DPYSL2: variants seen among roughly 807,000 people sequenced by gnomAD.
DPYSL2 encodes the protein dihydropyrimidinase like 2, also known as dihydropyrimidinase-related protein 2.
In DPYSL2, 13 loss-of-function variants were observed where a neutral mutation model predicts 69.9. That is an observed-to-expected ratio of 0.19 (90% CI 0.12 to 0.30). The LOEUF is 0.30. Among genes scored for constraint, DPYSL2 ranks in the 10% least tolerant of loss-of-function variants. The pLI is 1.00. For missense variants in DPYSL2, 587 were observed against 918.9 expected, an observed-to-expected ratio of 0.64 and a Z score of 4.67; for synonymous variants, 326 against 359.1, an observed-to-expected ratio of 0.91 and a Z score of 1.04.
At position 26,580,876 on chromosome 8, in the gene DPYSL2, T is replaced by G. The variant is rs1386795910; in HGVS notation, c.355-1093T>G. ...ACTGAACACTCGATGCCAGCATTCC[T>G]TCCATCAGCAGCATTTGCAATAACG... is the stretch of plus-strand genomic sequence containing the variant. On this transcript the variant is annotated intron_variant, in intron 1 of 13. Transcript: ENST00000521913. This position sits in a 1 kb window ranked among gnomAD's most constrained non-coding sequence, Gnocchi z 4.1. Among the ~76,000 whole-genome samples the G allele has an allele frequency of 6.6e-6, 1 of 152,222 alleles. No individual in the cohort carries two copies. The highest frequency in any genetic ancestry group is 1.5e-5 in the Non-Finnish European group (1 of 68,028).
chr8:26,534,084 C>G (rs1800554106), intron 1 of DPYSL2, among the ~76,000 whole-genome samples: 1 of 152,180 alleles, frequency 6.6e-6, no homozygotes, highest in South Asian at 2.1e-4. Flanking sequence ...TGAGCAACAA[C>G]AAGACTGGTT....
chr8:26,519,679 A>C (rs1808353902), intron 1 of DPYSL2, among the ~76,000 whole-genome samples: 1 of 152,158 alleles, frequency 6.6e-6, no homozygotes, highest in Admixed American at 6.5e-5. Flanking sequence ...ATTTGAACTA[A>C]TATTTCCTAA....
intron 1 of DPYSL2, among the ~76,000 whole-genome samples, chr8:26,568,208 C>A (rs1801182701): frequency 1.3e-5 from 2 of 152,152 alleles, no homozygotes; most frequent in African/African-American, 4.8e-5. Context: ...TGGAGGGAGA[C>A]CAGTCGTTGG....
At position 26,516,666 on chromosome 8, in the gene DPYSL2, C is replaced by A. The variant is rs1177120504; in HGVS notation, c.354+1987C>A. ...TTTGAAGAGAAAATACTCAAACAAA[C>A]TGCAAGGGAGTTTTAGATTGCAATT... On this transcript the variant is annotated intron_variant, in intron 1 of 13. Coordinates refer to ENST00000521913, the MANE Select transcript of DPYSL2 (RefSeq NM_001197293.3). This position sits in a 1 kb window ranked among gnomAD's most constrained non-coding sequence, Gnocchi z 4.8. 6.6e-6 allele frequency among the ~76,000 whole-genome samples: 1 copy of A among 152,130 alleles called. No homozygotes were observed. The highest frequency in any genetic ancestry group is 1.5e-5 in the Non-Finnish European group (1 of 68,020).
In DPYSL2 at chr8:26,621,186, G is replaced by A. The variant is rs1193219158; in HGVS notation, c.629-2957G>A. 6.6e-6 allele frequency among the ~76,000 whole-genome samples: 1 copy of A among 152,172 alleles called. No individual in the cohort carries two copies. Among genetic ancestry groups the A allele is most frequent in the Non-Finnish European group, 1.5e-5 (1 of 68,024 alleles). On this transcript the variant is annotated intron_variant, in intron 3 of 13. Coordinates refer to ENST00000521913, the MANE Select transcript of DPYSL2 (RefSeq NM_001197293.3). The surrounding 1 kb of genome is among the most constrained non-coding windows in gnomAD (Gnocchi z 4.9). The stretch of plus-strand genomic sequence containing the variant: ...AGGTATAATATATAGAAAAAAGGCA[G>A]TAAAAATACACCCAAATTTGAATAG...
In DPYSL2 at chr8:26,616,848, A is replaced by C. The variant is rs116782251; in HGVS notation, c.629-7295A>C. On this transcript the variant is annotated intron_variant, in intron 3 of 13. Coordinates refer to ENST00000521913, the MANE Select transcript of DPYSL2 (RefSeq NM_001197293.3). Reference sequence around the variant, plus strand: ...AACCCCAAGGTGGGATCACAGGCTGAGTGAAGGCTCCTCATCCTCCCTCCT... The same window carrying C: ...AACCCCAAGGTGGGATCACAGGCTGCGTGAAGGCTCCTCATCCTCCCTCCT... Among the ~76,000 whole-genome samples, 1,350 of 151,798 alleles carry C rather than the reference A, an allele frequency of 8.9e-3. 14 individuals carry two copies. The highest frequency in any genetic ancestry group is 0.031 in the African/African-American group (1,274 of 41,332).
At chr8:26,606,664 C>A (rs1391916802) in intron 3 of DPYSL2, among the ~76,000 whole-genome samples, 5 of 151,940 alleles carry the variant, frequency 3.3e-5, no homozygotes, top group Non-Finnish European at 7.4e-5. Flanking sequence ...AAAAGAAATA[C>A]AAATTGAAGT....
chr8:26,575,201 GC>G (rs1175268305), intron 1 of DPYSL2, among the ~76,000 whole-genome samples: 1 of 152,194 alleles, frequency 6.6e-6, no homozygotes, highest in African/African-American at 2.4e-5. Flanking sequence ...TGTTGCTGAG[GC>G]TGGTCTCCAA....
chr8:26,565,602 A>C lies in DPYSL2; in HGVS notation c.355-16367A>C, dbSNP rs184806557. Among the ~76,000 whole-genome samples the C allele has an allele frequency of 6.6e-6, 1 of 152,320 alleles. No homozygotes were observed. The highest frequency in any genetic ancestry group is 2.4e-5 in the African/African-American group (1 of 41,564). On this transcript the variant is annotated intron_variant, in intron 1 of 13. Coordinates refer to ENST00000521913, the MANE Select transcript of DPYSL2 (RefSeq NM_001197293.3). The surrounding 1 kb of genome is among the most constrained non-coding windows in gnomAD (Gnocchi z 4.1). ...TGAGGGTATGTGTGTATTTCACACA[A>C]ATTTTAAATTCAAACAGGATTAAGT...
In DPYSL2 at chr8:26,627,396, A is replaced by G. The variant is rs1174221517; in HGVS notation, c.936+101A>G. The G allele has an allele frequency of 8.0e-7, 1 of 1,256,908 alleles. No individual in the cohort carries two copies. The highest frequency in any genetic ancestry group is 1.2e-6 in the Non-Finnish European group (1 of 868,932). 77.9% of individuals were successfully genotyped at this position (1,256,908 alleles called of 1,614,324 possible). ...CTGTAGCTTAACACCAAGGTGGAAAAGCAGAGGGACCTGGTGTTCCCTTGC... is the reference window on the plus strand; with the variant it reads ...CTGTAGCTTAACACCAAGGTGGAAAGGCAGAGGGACCTGGTGTTCCCTTGC... On this transcript the variant is annotated intron_variant, in intron 6 of 13. Coordinates refer to ENST00000521913, the MANE Select transcript of DPYSL2 (RefSeq NM_001197293.3). The surrounding 1 kb of genome is among the most constrained non-coding windows in gnomAD (Gnocchi z 6.9).
chr8:26,634,869 T>G lies in DPYSL2; in HGVS notation c.1095T>G (p.Ser365=), dbSNP rs765712904. The G allele has an allele frequency of 1.2e-6, 2 of 1,614,232 alleles. No homozygotes were observed. The highest frequency in any genetic ancestry group is 1.7e-5 in the Admixed American group (1 of 60,030). Residue 365 remains serine (S), a synonymous_variant, in exon 8 of 14, where the codon TCT becomes TCG. Transcript: ENST00000521913. ...LYITKVMSKS[S]AEVIAQARKK... Reference sequence around the variant, plus strand: ...TCACCAAGGTGATGAGCAAAAGCTCTGCTGAGGTCATCGCCCAGGCACGGA... The same window carrying G: ...TCACCAAGGTGATGAGCAAAAGCTCGGCTGAGGTCATCGCCCAGGCACGGA...
intron 1 of DPYSL2, among the ~76,000 whole-genome samples, chr8:26,579,963 C>A (rs556545839): frequency 7.3e-5 from 11 of 150,432 alleles, no homozygotes; most frequent in East Asian, 5.8e-4. Flanking sequence ...CGCCCCCCCC[C>A]CCACACCCTT....
chr8:26,622,160 T>TCCCTCCCTCC lies in DPYSL2; in HGVS notation c.629-1982_629-1981insCCTCCCTCCC, dbSNP rs1393435759. Among the ~76,000 whole-genome samples, 359 of 96,386 alleles carry TCCCTCCCTCC rather than the reference T, an allele frequency of 3.7e-3. 16 individuals carry two copies. The highest frequency in any genetic ancestry group is 0.028 in the East Asian group (94 of 3,390). 63.2% of individuals were successfully genotyped at this position (96,386 alleles called of 152,430 possible). ...TTCCTTCCTTCCTTCCTTCCTTCCC[T>TCCCTCCCTCC]CTCTCTCTCTTTCTTTCTTTCTTTC... On this transcript the variant is annotated intron_variant, in intron 3 of 13. Transcript: ENST00000521913.
rs1050202686 is a variant in DPYSL2, at chr8:26,597,677, T to C, written c.628+13694T>C. Among the ~76,000 whole-genome samples, 5 of 151,972 alleles carry C rather than the reference T, an allele frequency of 3.3e-5. No homozygotes were observed. The highest frequency in any genetic ancestry group is 4.8e-5 in the African/African-American group (2 of 41,370). ...TTTTAGTAGAGATGGGGTTTCACTG[T>C]TTTAGCCAGGATGGTCTCGATCTCC... On this transcript the variant is annotated intron_variant, in intron 3 of 13. Coordinates refer to ENST00000521913, the MANE Select transcript of DPYSL2 (RefSeq NM_001197293.3). The surrounding 1 kb of genome is among the most constrained non-coding windows in gnomAD (Gnocchi z 5.2).
intron 1 of DPYSL2, chr8:26,578,641 C>T (rs1228537306): frequency 4.4e-6 from 5 of 1,127,056 alleles, no homozygotes; most frequent in Non-Finnish European, 5.5e-6. Context: ...ATGCCTGGAG[C>T]TCGGATATTG....
At position 26,580,901 on chromosome 8, in the gene DPYSL2, G is replaced by C; in HGVS notation, c.355-1068G>C. 6.6e-6 allele frequency among the ~76,000 whole-genome samples: 1 copy of C among 152,144 alleles called. No individual in the cohort carries two copies. Among genetic ancestry groups the C allele is most frequent in the East Asian group, 1.9e-4 (1 of 5,194 alleles). On this transcript the variant is annotated intron_variant, in intron 1 of 13. Coordinates refer to ENST00000521913, the MANE Select transcript of DPYSL2 (RefSeq NM_001197293.3). The surrounding 1 kb of genome is among the most constrained non-coding windows in gnomAD (Gnocchi z 4.1). Reference sequence around the variant, plus strand: ...TTCCATCAGCAGCATTTGCAATAACGATGAGTCATAATGTAGCATTTCTGT... The same window carrying C: ...TTCCATCAGCAGCATTTGCAATAACCATGAGTCATAATGTAGCATTTCTGT...
chr8:26,606,712 T>C lies in DPYSL2; in HGVS notation c.629-17431T>C, dbSNP rs1322397541. Among the ~76,000 whole-genome samples the C allele has an allele frequency of 4.6e-5, 7 of 152,202 alleles. No homozygotes were observed. The East Asian group carries it at 1.3e-3, about 29-fold the overall frequency. ...AGTTTTTATCTACTAAACTTTCAAA[T>C]ATTAAAAGGGGTTAAGTAAGCTGAA... On this transcript the variant is annotated intron_variant, in intron 3 of 13. Transcript: ENST00000521913.
In DPYSL2 at chr8:26,641,309, G is replaced by A. The variant is rs1418675209; in HGVS notation, c.1127-2130G>A. ...GTGGACAAAAGCAGGAAGCCTTTAG[G>A]GCCACGCATCTCTTGTTTTCCTGTG... is the stretch of plus-strand genomic sequence containing the variant. On this transcript the variant is annotated intron_variant, in intron 8 of 13. Coordinates refer to ENST00000521913, the MANE Select transcript of DPYSL2 (RefSeq NM_001197293.3). This position sits in a 1 kb window ranked among gnomAD's most constrained non-coding sequence, Gnocchi z 4.1. Among the ~76,000 whole-genome samples, 2 of 152,152 alleles carry A rather than the reference G, an allele frequency of 1.3e-5. No individual in the cohort carries two copies. Among genetic ancestry groups the A allele is most frequent in the Non-Finnish European group, 2.9e-5 (2 of 68,020 alleles).
At chr8:26,575,018 C>T (rs1801303924) in intron 1 of DPYSL2, among the ~76,000 whole-genome samples, 1 of 152,232 alleles carries the variant, frequency 6.6e-6, no homozygotes, top group South Asian at 2.1e-4. Flanking sequence ...ACTGCAACCT[C>T]CGCCTCCCGG....
Sources: gnomAD v4.1 joint callset for allele counts (sites outside exome capture counted in the v4.1 genomes callset) on GRCh38, gnomAD v4.1.1 for gene constraint, Gnocchi (gnomAD v3.1) non-coding constraint, MANE v1.5 for transcripts, NCBI Gene and HGNC (gene_info 2026-07-23, HGNC 2026-07-21) for gene names.